The following FCHSD2 variants were observed in gnomAD, a reference collection of about 807,000 sequenced individuals.
FCHSD2 encodes FCH and double SH3 domains 2, also known as F-BAR and double SH3 domains protein 2.
In FCHSD2, 38 loss-of-function variants were observed where a neutral mutation model predicts 108.1. The ratio of observed to expected loss-of-function variants is 0.35; its 90% confidence interval spans 0.27 to 0.46. FCHSD2 has a LOEUF of 0.46. Ranked by LOEUF, FCHSD2 falls within the 20% of genes least tolerant of loss-of-function variation. FCHSD2 has a pLI of 1.00. For missense variants in FCHSD2, 751 were observed against 897.8 expected, an observed-to-expected ratio of 0.84 and a Z score of 2.09; for synonymous variants, 279 against 314.7, an observed-to-expected ratio of 0.89 and a Z score of 1.20.
At chr11:72,921,379 T>C (rs1336613501) in intron 9 of FCHSD2, among the ~76,000 whole-genome samples, 1 of 152,186 alleles carries the variant, frequency 6.6e-6, no homozygotes, top group Non-Finnish European at 1.5e-5. Flanking sequence ...AATGACAGCA[T>C]ATAGATAGTA....
At chr11:73,112,408 T>G (rs1860506739) in intron 2 of FCHSD2, among the ~76,000 whole-genome samples, 1 of 152,236 alleles carries the variant, frequency 6.6e-6, no homozygotes. Flanking sequence ...CTTGCTGCTT[T>G]TAGGATCTGT....
chr11:73,000,952 T>C (rs1373893899), intron 5 of FCHSD2, 38 bp downstream of exon 5: 10 of 1,535,718 alleles, frequency 6.5e-6, no homozygotes, highest in Non-Finnish European at 6.2e-6. Flanking sequence ...AGCACTGGGA[T>C]ATTAAAATGC....
intron 3 of FCHSD2, among the ~76,000 whole-genome samples, chr11:73,037,264 T>A (rs1285177781): frequency 6.6e-6 from 1 of 152,206 alleles, no homozygotes; most frequent in East Asian, 1.9e-4. Flanking sequence ...TTACAATGGA[T>A]GAACCTACAC....
At chr11:72,881,810 TG>T (rs1291002796) in intron 12 of FCHSD2, among the ~76,000 whole-genome samples, 1 of 152,210 alleles carries the variant, frequency 6.6e-6, no homozygotes, top group Admixed American at 6.5e-5. Context: ...TTCTCACTCA[TG>T]TGTGGGAGCT....
chr11:73,041,316 T>C (rs1032966414), intron 3 of FCHSD2, among the ~76,000 whole-genome samples: 1 of 152,212 alleles, frequency 6.6e-6, no homozygotes, highest in Non-Finnish European at 1.5e-5. Flanking sequence ...CTGTTTTCCA[T>C]AGTAGCTATA....
intron 13 of FCHSD2, among the ~76,000 whole-genome samples, chr11:72,866,058 G>C (rs889047541): frequency 3.9e-5 from 6 of 152,122 alleles, no homozygotes; most frequent in African/African-American, 1.4e-4. Flanking sequence ...AATTGATTTG[G>C]TTAGAAAAGG....
chr11:72,844,775 A>G (rs1861073248), intron 14 of FCHSD2, among the ~76,000 whole-genome samples: 1 of 152,196 alleles, frequency 6.6e-6, no homozygotes, highest in African/African-American at 2.4e-5. Context: ...TCCAAGTTAC[A>G]CAAACAAAAA....
At chr11:72,842,867 T>C in intron 16 of FCHSD2, 26 bp from the exon 17 acceptor site, 2 of 1,585,042 alleles carry the variant, frequency 1.3e-6, no homozygotes, top group Non-Finnish European at 1.7e-6. Flanking sequence ...AAAACAAATC[T>C]GGTAAGATAA....
intron 8 of FCHSD2, among the ~76,000 whole-genome samples, chr11:72,935,859 A>C (rs1221393363): frequency 6.6e-6 from 1 of 152,160 alleles, no homozygotes; most frequent in Non-Finnish European, 1.5e-5. Flanking sequence ...AGGAAAGGAA[A>C]ATTTCAATGC....
At chr11:72,895,905 T>C (rs576253426) in intron 10 of FCHSD2, among the ~76,000 whole-genome samples, 1 of 152,286 alleles carries the variant, frequency 6.6e-6, no homozygotes, top group African/African-American at 2.4e-5. Flanking sequence ...GACAACGCTA[T>C]ATGCAATACA....
At chr11:73,085,383 T>C (rs1380575) in intron 2 of FCHSD2, among the ~76,000 whole-genome samples, 3,311 of 152,264 alleles carry the variant, frequency 0.022, 77 homozygotes, top group African/African-American at 0.059. Flanking sequence ...ATTTTGGAAC[T>C]AGGAGTCAAC....
chr11:73,033,916 T>C (rs1858426062), intron 3 of FCHSD2, among the ~76,000 whole-genome samples: 1 of 151,908 alleles, frequency 6.6e-6, no homozygotes, highest in African/African-American at 2.4e-5. Flanking sequence ...ACAACGCTTA[T>C]GACACAGAAA....
intron 2 of FCHSD2, among the ~76,000 whole-genome samples, chr11:73,118,290 G>A (rs1860651890): frequency 6.6e-6 from 1 of 152,176 alleles, no homozygotes; most frequent in Admixed American, 6.5e-5. Flanking sequence ...CTGCACTCCA[G>A]CCTGGGTGAC....
At chr11:72,839,782 C>G (rs1279018168) in intron 19 of FCHSD2, among the ~76,000 whole-genome samples, 1 of 152,044 alleles carries the variant, frequency 6.6e-6, no homozygotes, top group African/African-American at 2.4e-5. Flanking sequence ...GAGAAGAGAT[C>G]GGATTGGCAG....
chr11:73,044,978 G>A (rs921510357), intron 3 of FCHSD2, among the ~76,000 whole-genome samples: 3 of 151,600 alleles, frequency 2.0e-5, no homozygotes, highest in African/African-American at 7.3e-5. Context: ...GCTGAGGCAA[G>A]AGAATCACTT....
At chr11:72,897,336 A>T (rs1028424063) in intron 10 of FCHSD2, among the ~76,000 whole-genome samples, 19 of 151,616 alleles carry the variant, frequency 1.3e-4, no homozygotes, top group African/African-American at 4.1e-4. Flanking sequence ...AAAAAAAAAA[A>T]AGGATAGTTG....
intron 10 of FCHSD2, among the ~76,000 whole-genome samples, chr11:72,901,223 C>T (rs1002420491): frequency 6.6e-6 from 1 of 151,948 alleles, no homozygotes; most frequent in Admixed American, 6.6e-5. Context: ...GAGACCCCCC[C>T]ATCTCTATTG....
At chr11:72,867,463 C>T (rs1189900252) in intron 13 of FCHSD2, among the ~76,000 whole-genome samples, 2 of 152,160 alleles carry the variant, frequency 1.3e-5, no homozygotes, top group African/African-American at 4.8e-5. Context: ...AAGAACATTC[C>T]TTTCACTTAA....
chr11:73,141,744 G>T, intron 1 of FCHSD2, 113 bp downstream of exon 1: 1 of 1,185,486 alleles, frequency 8.4e-7, no homozygotes, highest in Non-Finnish European at 1.2e-6. Context: ...ACAAGCCCAA[G>T]ACGAGGGCGG....
Sources: gnomAD v4.1 joint callset for allele counts (sites outside exome capture counted in the v4.1 genomes callset) on GRCh38, gnomAD v4.1.1 for gene constraint, MANE v1.5 for transcripts, NCBI Gene and HGNC (gene_info 2026-07-23, HGNC 2026-07-21) for gene names.